The following SEC24B variants were observed in gnomAD, a reference collection of about 807,000 sequenced individuals.
SEC24B encodes SEC24 homolog B, COPII component, also known as protein transport protein Sec24B.
SEC24B carries 45 observed loss-of-function variants against 142.8 expected under a neutral mutation model. The observed-to-expected ratio is 0.32, with a 90% confidence interval of 0.25 to 0.40. The LOEUF is 0.40. Among genes scored for constraint, SEC24B ranks in the 10% least tolerant of loss-of-function variants. The probability of loss-of-function intolerance (pLI) is 1.00; values close to 1 mark genes in which losing one functional copy is unlikely to be tolerated. For missense variants in SEC24B, 1,409 were observed against 1,526.8 expected, an observed-to-expected ratio of 0.92 and a Z score of 1.29; for synonymous variants, 574 against 568.2, an observed-to-expected ratio of 1.01 and a Z score of -0.15.
chr4:109,494,294 A>T (rs904289662), intron 5 of SEC24B, among the ~76,000 whole-genome samples: 4 of 151,938 alleles, frequency 2.6e-5, no homozygotes, highest in Non-Finnish European at 5.9e-5. Context: ...TCTCTATTTT[A>T]AAAAAAAGAA....
At chr4:109,500,365 G>A (rs1043340774) in intron 6 of SEC24B, among the ~76,000 whole-genome samples, 28 of 151,982 alleles carry the variant, frequency 1.8e-4, no homozygotes, top group Admixed American at 1.8e-3. Context: ...CCAACATGGT[G>A]AAACCCTGTC....
At chr4:109,466,983 G>A (rs1297717819) in intron 2 of SEC24B, among the ~76,000 whole-genome samples, 1 of 152,098 alleles carries the variant, frequency 6.6e-6, no homozygotes, top group African/African-American at 2.4e-5. Flanking sequence ...TTTTAGAAAA[G>A]CCTATTAGTA....
At chr4:109,538,419 G>C (rs917075611) in intron 22 of SEC24B, 74 bp from the exon 23 acceptor site, 22 of 939,364 alleles carry the variant, frequency 2.3e-5, no homozygotes, top group Non-Finnish European at 3.8e-5. Flanking sequence ...GTGATGGTAG[G>C]AATCATGATT....
chr4:109,473,050 C>G lies in SEC24B; in HGVS notation c.924C>G (p.Pro308=), dbSNP rs1220255457. 3.1e-6 allele frequency: 5 copies of G among 1,592,410 alleles called. No homozygotes were observed. The highest frequency in any genetic ancestry group is 3.4e-6 in the Non-Finnish European group (4 of 1,169,820). Residue 308 remains proline (P), a synonymous_variant, in exon 3 of 24, where the codon CCC becomes CCG. Coordinates refer to ENST00000265175, the MANE Select transcript of SEC24B (RefSeq NM_006323.5). The part of the protein sequence containing the change: ...SCPVMQNVQP[P]KSSPVVSTVL... Reference sequence around the variant, plus strand: ...CTGTTATGCAAAATGTTCAGCCTCCCAAGTCCAGCCCAGTGGTATCCACTG... The same window carrying G: ...CTGTTATGCAAAATGTTCAGCCTCCGAAGTCCAGCCCAGTGGTATCCACTG...
intron 2 of SEC24B, among the ~76,000 whole-genome samples, chr4:109,465,048 G>A (rs1332265397): frequency 6.6e-6 from 1 of 152,196 alleles, no homozygotes; most frequent in African/African-American, 2.4e-5. Flanking sequence ...AGAAGGGAGA[G>A]GAAAGGGGAC....
intron 2 of SEC24B, among the ~76,000 whole-genome samples, chr4:109,467,705 A>G (rs1732099261): frequency 6.6e-6 from 1 of 152,222 alleles, no homozygotes; most frequent in Non-Finnish European, 1.5e-5. Flanking sequence ...AATTAGCAAG[A>G]TAAGTCTTGT....
chr4:109,434,118 C>G (rs1412084315), intron 1 of SEC24B, 116 bp downstream of exon 1: 1 of 700,834 alleles, frequency 1.4e-6, no homozygotes, highest in South Asian at 6.4e-5. Context: ...AGGCCCGGCC[C>G]GAGGGACGGG....
At chr4:109,504,624 G>T (rs1418804637) in intron 6 of SEC24B, among the ~76,000 whole-genome samples, 1 of 151,958 alleles carries the variant, frequency 6.6e-6, no homozygotes, top group Non-Finnish European at 1.5e-5. Flanking sequence ...ATGTATTTTG[G>T]TGATGTACAC....
At chr4:109,513,538 G>C (rs527725457) in intron 9 of SEC24B, among the ~76,000 whole-genome samples, 1 of 151,966 alleles carries the variant, frequency 6.6e-6, no homozygotes, top group African/African-American at 2.4e-5. Flanking sequence ...CGCCGCGGCC[G>C]CCCAAAGTGC....
rs75615440 is a variant in SEC24B at position 109,475,902 on chromosome 4, T to G, written c.1060+2716T>G. On this transcript the variant is annotated intron_variant, in intron 3 of 23. Transcript: ENST00000265175. ...TAATATATAAAATGAAATGTTAAAATTTGTTTTATTATCTATGACTTTAAG... is the reference window on the plus strand; with the variant it reads ...TAATATATAAAATGAAATGTTAAAAGTTGTTTTATTATCTATGACTTTAAG... Among the ~76,000 whole-genome samples the G allele has an allele frequency of 7.1e-3, 1,086 of 152,268 alleles. 6 individuals are homozygous for G. The highest frequency in any genetic ancestry group is 0.012 in the African/African-American group (501 of 41,564).
chr4:109,533,749 CAT>C (rs1725187144), intron 22 of SEC24B, 64 bp downstream of exon 22: 3 of 965,114 alleles, frequency 3.1e-6, no homozygotes, highest in Non-Finnish European at 4.9e-6. Flanking sequence ...ATGTAAAATT[CAT>C]GTAATATTCA....
intron 23 of SEC24B, among the ~76,000 whole-genome samples, chr4:109,539,171 A>C (rs55896248): frequency 0.036 from 5,530 of 152,174 alleles, 150 homozygotes; most frequent in Non-Finnish European, 0.055. Context: ...CATGTTGGCC[A>C]GGCTGGTCTT....
In SEC24B at chr4:109,525,367, C is replaced by T; in HGVS notation, c.2654C>T (p.Ala885Val). The change falls in exon 16 of 24, where the codon GCA becomes GTA. Residue 885 changes from alanine to valine, a missense_variant. This residue lies in a region of SEC24B where 700 missense variants were observed against 853.3 expected (regional missense o/e 0.82). Coordinates refer to ENST00000265175, the MANE Select transcript of SEC24B (RefSeq NM_006323.5). ...ASLACMSKYS[A>V]GCIYYYPSFH... ...AAAGCTTGCATGTCCAAGTATTCTG[C>T]AGGGTGCATCTATTATTATCCATCA... is the stretch of plus-strand genomic sequence containing the variant. 6.2e-7 allele frequency: 1 copy of T among 1,603,942 alleles called. No individual in the cohort carries two copies.
chr4:109,470,115 A>C (rs1732360229), intron 2 of SEC24B, among the ~76,000 whole-genome samples: 1 of 152,230 alleles, frequency 6.6e-6, no homozygotes, highest in African/African-American at 2.4e-5. Flanking sequence ...AATGGTCAGG[A>C]TGTGGAGTAA....
chr4:109,492,878 CTTTT>C (rs1182394246), intron 5 of SEC24B, among the ~76,000 whole-genome samples: 1 of 138,900 alleles, frequency 7.2e-6, no homozygotes, highest in African/African-American at 2.6e-5. Context: ...CCATATCCAG[CTTTT>C]TTTTTTTTTT....
intron 8 of SEC24B, among the ~76,000 whole-genome samples, chr4:109,510,921 G>A (rs986396396): frequency 3.9e-5 from 6 of 151,920 alleles, no homozygotes; most frequent in African/African-American, 1.5e-4. Context: ...AGATACAAAG[G>A]GTAAATTAAA....
intron 3 of SEC24B, among the ~76,000 whole-genome samples, chr4:109,479,377 G>T (rs950583390): frequency 1.3e-5 from 2 of 152,138 alleles, no homozygotes; most frequent in African/African-American, 4.8e-5. Flanking sequence ...TGAGCTCTGG[G>T]AAAGGATGTC....
At chr4:109,495,825 G>A (rs1735483825) in intron 6 of SEC24B, among the ~76,000 whole-genome samples, 2 of 152,138 alleles carry the variant, frequency 1.3e-5, no homozygotes, top group Non-Finnish European at 2.9e-5. Flanking sequence ...GTCTGTGTCT[G>A]CAGCGCGACT....
intron 14 of SEC24B, 140 bp downstream of exon 14, chr4:109,521,766 C>T: frequency 1.5e-6 from 1 of 684,906 alleles, no homozygotes; most frequent in Non-Finnish European, 2.4e-6. Flanking sequence ...TGGTCTCACA[C>T]TGTTGCCCAG....
Sources: allele counts gnomAD v4.1 joint callset (sites outside exome capture counted in the v4.1 genomes callset), GRCh38; gene constraint gnomAD v4.1.1; regional missense constraint gnomAD v4.1.1; transcripts MANE v1.5; gene names NCBI Gene and HGNC (gene_info 2026-07-23, HGNC 2026-07-21).